Variants in KIF5B observed in about 807,000 individuals in gnomAD.
KIF5B encodes kinesin family member 5B, also known as kinesin-1 heavy chain.
A neutral mutation model predicts 132.8 loss-of-function variants in KIF5B; 49 were observed. The observed-to-expected ratio is 0.37, with a 90% CI of 0.29 to 0.47. The LOEUF (loss-of-function observed/expected upper bound fraction) is 0.47, where lower values mean the gene tolerates loss of function less well. Among genes scored for constraint, KIF5B ranks in the 20% least tolerant of loss-of-function variants. The pLI, the probability that KIF5B is intolerant of heterozygous loss-of-function variation, is 1.00. For synonymous variants in KIF5B, 355 were observed against 369.4 expected, an observed-to-expected ratio of 0.96 and a Z score of 0.45; for missense variants, 780 against 1,144.0, an observed-to-expected ratio of 0.68 and a Z score of 4.59.
chr10:32,026,055 C>G (rs1318962106), intron 15 of KIF5B, among the ~76,000 whole-genome samples: 1 of 152,152 alleles, frequency 6.6e-6, no homozygotes, highest in Non-Finnish European at 1.5e-5. Context: ...TAATATTATG[C>G]ACTCCTTAAA....
In KIF5B at chr10:32,022,857, A is replaced by G; in HGVS notation, c.1905T>C (p.Arg635=). Residue 635 remains arginine (R), a synonymous_variant, in exon 16 of 26, where the codon CGT becomes CGC. Coordinates refer to ENST00000302418, the MANE Select transcript of KIF5B (RefSeq NM_004521.3). ...TTGTTCTATAACATACTTGAGAGAT[A>G]CGAAGCTGACATGCTGCTAACTCCT... ...NEKELAACQL[R]ISQHEAKIKS... The G allele has an allele frequency of 8.1e-6, 13 of 1,607,920 alleles. No individual in the cohort carries two copies. Among genetic ancestry groups the G allele is most frequent in the Non-Finnish European group, 1.1e-5 (13 of 1,175,836 alleles).
chr10:32,043,752 C>T (rs376548368), intron 2 of KIF5B, among the ~76,000 whole-genome samples: 13,744 of 152,152 alleles, frequency 0.09, 732 homozygotes, highest in Non-Finnish European at 0.12. Context: ...GTTAATAGCC[C>T]TACATAAAAT....
At chr10:32,036,762 G>T (rs1841464518) in intron 8 of KIF5B, among the ~76,000 whole-genome samples, 1 of 152,144 alleles carries the variant, frequency 6.6e-6, no homozygotes, top group South Asian at 2.1e-4. Flanking sequence ...AGCAAAAATG[G>T]TCAGAGGTCC....
chr10:32,049,243 G>A (rs1429955260), intron 1 of KIF5B, among the ~76,000 whole-genome samples: 1 of 152,180 alleles, frequency 6.6e-6, no homozygotes, highest in African/African-American at 2.4e-5. Flanking sequence ...ATAAATAATA[G>A]TGGGGCAGAC....
intron 13 of KIF5B, among the ~76,000 whole-genome samples, 154 bp downstream of exon 13, chr10:32,032,552 A>G (rs1434447270): frequency 1.3e-5 from 2 of 152,248 alleles, no homozygotes; most frequent in African/African-American, 2.4e-5. Context: ...GATACGATGA[A>G]TAAGTAAAAA....
At chr10:32,018,907 G>A (rs1841219812) in intron 20 of KIF5B, among the ~76,000 whole-genome samples, 1 of 152,022 alleles carries the variant, frequency 6.6e-6, no homozygotes, top group African/African-American at 2.4e-5. Flanking sequence ...TATTGCCTAG[G>A]CTGATTCTCA....
chr10:32,044,229 G>T (rs1841580337), intron 2 of KIF5B, among the ~76,000 whole-genome samples: 1 of 152,180 alleles, frequency 6.6e-6, no homozygotes, highest in Non-Finnish European at 1.5e-5. Context: ...AATTACAAAG[G>T]TTGCATAGAA....
intron 2 of KIF5B, among the ~76,000 whole-genome samples, chr10:32,047,048 T>G (rs1352680640): frequency 6.6e-6 from 1 of 152,220 alleles, no homozygotes; most frequent in African/African-American, 2.4e-5. Context: ...TATTGAATAC[T>G]ATACTGAAAG....
At chr10:32,024,995 T>C (rs1841315911) in intron 15 of KIF5B, among the ~76,000 whole-genome samples, 1 of 152,052 alleles carries the variant, frequency 6.6e-6, no homozygotes, top group Non-Finnish European at 1.5e-5. Context: ...AAGAATCACT[T>C]GAACCCAGGA....
intron 2 of KIF5B, among the ~76,000 whole-genome samples, chr10:32,042,076 T>G (rs1455364121): frequency 6.6e-6 from 1 of 152,160 alleles, no homozygotes; most frequent in Admixed American, 6.5e-5. Flanking sequence ...AAAGGTACTA[T>G]GAAATTACAT....
intron 14 of KIF5B, among the ~76,000 whole-genome samples, chr10:32,030,285 G>A (rs545166884): frequency 1.3e-5 from 2 of 152,242 alleles, no homozygotes; most frequent in South Asian, 4.2e-4. Context: ...GGGAGGCTGA[G>A]GTGGGTGGAT....
At position 32,018,322 on chromosome 10, in the gene KIF5B, A is replaced by T. The variant is rs368717131; in HGVS notation, c.2433T>A (p.Val811=). 4 of 1,504,474 alleles carry T rather than the reference A, an allele frequency of 2.7e-6. No homozygotes were observed. Among genetic ancestry groups the T allele is most frequent in the Non-Finnish European group, 3.5e-6 (4 of 1,128,614 alleles). The allele number at this position is 1,504,474 out of a possible 1,614,324, so 93.2% of individuals were successfully genotyped here. ...CTCGGCATAGTTACATTACCTTTTT[A>T]ACTCTTGTAGCCAGGTCCTGAACAA... ...KLFVQDLATR[V]KKSAEIDSDD... is the part of the protein sequence containing the mutation. Residue 811 remains valine, a synonymous_variant, in exon 22 of 26, where the codon GTT becomes GTA. Transcript: ENST00000302418.
At chr10:32,044,317 G>C (rs773644707) in intron 2 of KIF5B, among the ~76,000 whole-genome samples, 11 of 152,192 alleles carry the variant, frequency 7.2e-5, no homozygotes, top group Non-Finnish European at 1.5e-4. Flanking sequence ...AAATAGCTGA[G>C]ACTATGAGTT....
intron 25 of KIF5B, among the ~76,000 whole-genome samples, chr10:32,013,953 A>G (rs2132574272): frequency 6.6e-6 from 1 of 152,316 alleles, no homozygotes; most frequent in South Asian, 2.1e-4. Flanking sequence ...ATATTTCTTA[A>G]TTCTCTACTC....
intron 2 of KIF5B, among the ~76,000 whole-genome samples, chr10:32,041,677 G>A (rs1363090180): frequency 6.6e-6 from 1 of 152,210 alleles, no homozygotes; most frequent in Non-Finnish European, 1.5e-5. Context: ...AGAGTGCAAT[G>A]GCACAATCAT....
At chr10:32,026,921 T>TGGC (rs1181237166) in intron 15 of KIF5B, among the ~76,000 whole-genome samples, 1 of 152,138 alleles carries the variant, frequency 6.6e-6, no homozygotes, top group Admixed American at 6.5e-5. Context: ...CCATAGTGAG[T>TGGC]CCACTGAAGA....
At chr10:32,045,944 G>A (rs1321227768) in intron 2 of KIF5B, among the ~76,000 whole-genome samples, 1 of 151,928 alleles carries the variant, frequency 6.6e-6, no homozygotes, top group Non-Finnish European at 1.5e-5. Flanking sequence ...ATTAACCTAG[G>A]GACCATGACC....
At chr10:32,045,595 A>G (rs970453210) in intron 2 of KIF5B, among the ~76,000 whole-genome samples, 1 of 152,246 alleles carries the variant, frequency 6.6e-6, no homozygotes, top group Non-Finnish European at 1.5e-5. Context: ...AAAGCCAAAG[A>G]GAACAAAGGT....
intron 15 of KIF5B, among the ~76,000 whole-genome samples, chr10:32,027,587 A>G (rs1841349251): frequency 1.3e-5 from 2 of 150,678 alleles, no homozygotes; most frequent in African/African-American, 4.9e-5. Context: ...AAGCCCATTC[A>G]TTATAAATTT....
Sources: gnomAD v4.1 joint callset for allele counts (sites outside exome capture counted in the v4.1 genomes callset) on GRCh38, gnomAD v4.1.1 for gene constraint, MANE v1.5 for transcripts, NCBI Gene and HGNC (gene_info 2026-07-23, HGNC 2026-07-21) for gene names.